ASIC2: variants seen among roughly 807,000 people sequenced by gnomAD.
ASIC2 encodes acid-sensing ion channel 2.
Under a neutral mutation model 57.3 loss-of-function variants are expected in ASIC2, and 25 were observed. The observed-to-expected ratio is 0.44, with a 90% CI of 0.32 to 0.61. The LOEUF is 0.61. Ranked by LOEUF, ASIC2 falls within the 20% of genes least tolerant of loss-of-function variation. The pLI is 0.06. For synonymous variants in ASIC2, 319 were observed against 307.5 expected (o/e 1.04, Z -0.39); for missense variants, 641 against 738.1 (o/e 0.87, Z 1.52).
chr17:33,260,410 C>T (rs1370143137), intron 1 of ASIC2, among the ~76,000 whole-genome samples: 2 of 152,226 alleles, frequency 1.3e-5, no homozygotes, highest in Admixed American at 1.3e-4. Context: ...GAGCACTCAG[C>T]AGAGGCCACT....
intron 3 of ASIC2, among the ~76,000 whole-genome samples, chr17:33,035,720 C>A (rs1220922548): frequency 6.6e-6 from 1 of 152,182 alleles, no homozygotes; most frequent in African/African-American, 2.4e-5. Context: ...GCAATGGCAG[C>A]AACTGAAATT....
At chr17:33,510,726 G>T (rs975626818) in intron 1 of ASIC2, among the ~76,000 whole-genome samples, 2 of 152,164 alleles carry the variant, frequency 1.3e-5, no homozygotes, top group Non-Finnish European at 2.9e-5. Flanking sequence ...CACTGGCATT[G>T]TTCCTTTGGA....
intron 1 of ASIC2, among the ~76,000 whole-genome samples, chr17:33,729,012 C>T (rs182341313): frequency 6.6e-6 from 1 of 152,264 alleles, no homozygotes; most frequent in East Asian, 1.9e-4. Flanking sequence ...GTTCATTGGT[C>T]TCAATCCAGA....
intron 1 of ASIC2, among the ~76,000 whole-genome samples, chr17:33,979,543 C>T (rs540281658): frequency 2.0e-5 from 3 of 152,160 alleles, no homozygotes; most frequent in African/African-American, 4.8e-5. Context: ...TCTCTGCACT[C>T]GACCTCCTCA....
intron 1 of ASIC2, among the ~76,000 whole-genome samples, chr17:34,027,912 G>A (rs796159764): frequency 1.1e-4 from 16 of 152,314 alleles, no homozygotes; most frequent in African/African-American, 3.8e-4. Context: ...ATGACATTGT[G>A]TCAGATCTTT....
chr17:33,534,168 C>A (rs1915149681), intron 1 of ASIC2: 1 of 152,148 alleles, frequency 6.6e-6, no homozygotes, highest in Admixed American at 6.5e-5. Flanking sequence ...TGCTACTCAT[C>A]GTAACAACAC....
chr17:34,025,287 T>G (rs770112383), intron 1 of ASIC2, among the ~76,000 whole-genome samples: 2 of 152,224 alleles, frequency 1.3e-5, no homozygotes, highest in Non-Finnish European at 2.9e-5. Flanking sequence ...TCATAGAACC[T>G]TTAAAGAATC....
chr17:33,397,835 A>G (rs1278437296), intron 1 of ASIC2, among the ~76,000 whole-genome samples: 1 of 152,250 alleles, frequency 6.6e-6, no homozygotes, highest in African/African-American at 2.4e-5. Flanking sequence ...TTTGCTCTTC[A>G]TGTTGATTGA....
chr17:34,094,175 C>A (rs1461897115), intron 1 of ASIC2, among the ~76,000 whole-genome samples: 1 of 152,076 alleles, frequency 6.6e-6, no homozygotes, highest in Admixed American at 6.5e-5. Context: ...TCACTCTGGG[C>A]AAATAGCAAG....
At chr17:33,229,706 T>A (rs183856833) in intron 1 of ASIC2, among the ~76,000 whole-genome samples, 28 of 152,248 alleles carry the variant, frequency 1.8e-4, no homozygotes, top group African/African-American at 6.5e-4. Flanking sequence ...TGGGAGCCAA[T>A]AAATAGACGT....
At chr17:34,049,636 C>A (rs573404766) in intron 1 of ASIC2, among the ~76,000 whole-genome samples, 1 of 152,326 alleles carries the variant, frequency 6.6e-6, no homozygotes. Context: ...CACTTCTAAA[C>A]TCCATCCTTT....
chr17:33,086,823 A>T (rs2092135708), intron 3 of ASIC2, among the ~76,000 whole-genome samples: 1 of 152,148 alleles, frequency 6.6e-6, no homozygotes, highest in Non-Finnish European at 1.5e-5. Context: ...AACTAACTTC[A>T]ATAAGCACCA....
chr17:33,973,908 C>A (rs1905293258), intron 1 of ASIC2, among the ~76,000 whole-genome samples: 1 of 152,128 alleles, frequency 6.6e-6, no homozygotes, highest in Admixed American at 6.5e-5. Flanking sequence ...TCCCCTTACC[C>A]CAGGAGAGCT....
chr17:33,732,219 A>C (rs1909763352), intron 1 of ASIC2, among the ~76,000 whole-genome samples: 1 of 152,234 alleles, frequency 6.6e-6, no homozygotes. Flanking sequence ...AGCAAGCTGA[A>C]CACATAAAAG....
intron 3 of ASIC2, among the ~76,000 whole-genome samples, chr17:33,069,135 T>A (rs34847840): frequency 0.03 from 4,554 of 152,350 alleles, 258 homozygotes; most frequent in African/African-American, 0.1. Context: ...TCTGAATATT[T>A]GGAGATTTTC....
At chr17:33,801,519 A>G (rs755069083) in intron 1 of ASIC2, among the ~76,000 whole-genome samples, 2 of 152,088 alleles carry the variant, frequency 1.3e-5, no homozygotes, top group Non-Finnish European at 1.5e-5. Context: ...GCCACTTGAT[A>G]TCTGAGGGAC....
At chr17:33,512,409 C>A (rs1914455358) in intron 1 of ASIC2, among the ~76,000 whole-genome samples, 1 of 152,212 alleles carries the variant, frequency 6.6e-6, no homozygotes, top group Admixed American at 6.5e-5. Flanking sequence ...TGTCCCTTAG[C>A]ATCAGTTGTC....
chr17:33,019,505 T>C (rs907531702), intron 7 of ASIC2, among the ~76,000 whole-genome samples: 1 of 151,912 alleles, frequency 6.6e-6, no homozygotes, highest in African/African-American at 2.4e-5. Context: ...GTTTGGTGCA[T>C]GTGCGTGCAG....
chr17:34,044,072 C>T (rs1396298658), intron 1 of ASIC2, among the ~76,000 whole-genome samples: 1 of 151,388 alleles, frequency 6.6e-6, no homozygotes, highest in East Asian at 1.9e-4. Context: ...ACAGCTCATA[C>T]AAAATAAAAG....
Sources: allele counts gnomAD v4.1 joint callset (sites outside exome capture counted in the v4.1 genomes callset), GRCh38; gene constraint gnomAD v4.1.1; transcripts MANE v1.5; gene names NCBI Gene and HGNC (gene_info 2026-07-23, HGNC 2026-07-21).